TBPL1: variants seen among roughly 807,000 people sequenced by gnomAD.
The protein encoded by TBPL1 is TATA box-binding protein-like 1.
In TBPL1, 4 loss-of-function variants were observed where a neutral mutation model predicts 22.1. The observed-to-expected ratio is 0.18, with a 90% confidence interval of 0.09 to 0.41. The LOEUF (loss-of-function observed/expected upper bound fraction) is 0.41. TBPL1 is among the 10% of genes least tolerant of loss of function. TBPL1 has a pLI of 1.00. For synonymous variants in TBPL1, 64 were observed against 71.0 expected (o/e 0.90, Z 0.50); for missense variants, 115 against 222.3 (o/e 0.52, Z 3.07).
upstream of TBPL1, among the ~76,000 whole-genome samples, chr6:133,953,015 G>A (rs977590577): frequency 6.6e-6 from 1 of 152,134 alleles, no homozygotes; most frequent in African/African-American, 2.4e-5. Flanking sequence ...CCAGCGGGTG[G>A]GCAGGAGGGG....
At chr6:133,971,077 C>G (rs1776212261) in intron 1 of TBPL1, among the ~76,000 whole-genome samples, 1 of 152,114 alleles carries the variant, frequency 6.6e-6, no homozygotes, top group South Asian at 2.1e-4. Flanking sequence ...ATTGACCAAC[C>G]TCCGTTCATT....
chr6:133,979,555 A>T (rs1421420106), intron 1 of TBPL1, among the ~76,000 whole-genome samples: 1 of 152,216 alleles, frequency 6.6e-6, no homozygotes, highest in African/African-American at 2.4e-5. Flanking sequence ...TTTTAGTTTA[A>T]GGAATGAAAG....
chr6:133,967,926 T>C (rs767205651), intron 1 of TBPL1, among the ~76,000 whole-genome samples: 6 of 152,152 alleles, frequency 3.9e-5, no homozygotes, highest in African/African-American at 7.2e-5. Context: ...CAGACAAATA[T>C]ATGGATTTAG....
upstream of TBPL1, among the ~76,000 whole-genome samples, chr6:133,952,939 A>T (rs1775858101): frequency 6.6e-6 from 1 of 152,288 alleles, no homozygotes; most frequent in East Asian, 1.9e-4. This position sits in a 1 kb window ranked among gnomAD's most constrained non-coding sequence, Gnocchi z 4.5. Flanking sequence ...GCGGTTCTTA[A>T]ACAAAAAAGT....
In TBPL1 at chr6:133,953,255, G is replaced by T. The variant is rs953135151; in HGVS notation, c.-215G>T. ...CCCGGAACAACAAAGCAAGGAAGACGGAGTCCGAGCCTCGGGGGCTCCTAG... is the reference window on the plus strand; with the variant it reads ...CCCGGAACAACAAAGCAAGGAAGACTGAGTCCGAGCCTCGGGGGCTCCTAG... On this transcript the variant is annotated 5_prime_UTR_variant, in exon 1 of 7. Transcript: ENST00000237264. 2 of 152,980 alleles carry T rather than the reference G, an allele frequency of 1.3e-5. No individual in the cohort carries two copies. The highest frequency in any genetic ancestry group is 2.9e-5 in the Non-Finnish European group (2 of 68,326). The allele number at this position is 152,980 out of a possible 1,614,324, so 9.5% of individuals were successfully genotyped here. A position where few individuals can be genotyped will look rare whatever the true frequency, so the allele number is the denominator to read the frequency against.
chr6:133,953,796 G>A (rs891479198), intron 1 of TBPL1, among the ~76,000 whole-genome samples: 12 of 152,076 alleles, frequency 7.9e-5, no homozygotes, highest in Admixed American at 2.6e-4. Flanking sequence ...ATCTGTCTCG[G>A]AGCCATCACC....
At position 133,962,179 on chromosome 6, in the gene TBPL1, G is replaced by A. The variant is rs144081211; in HGVS notation, c.-45+8754G>A. Reference sequence around the variant, plus strand: ...AAGATTAGGTTATATAAGGAAGATCGGGGGTGGGAAGTCCACTGCATTCCA... The same window carrying A: ...AAGATTAGGTTATATAAGGAAGATCAGGGGTGGGAAGTCCACTGCATTCCA... On this transcript the variant is annotated intron_variant, in intron 1 of 6. Coordinates refer to ENST00000237264, the MANE Select transcript of TBPL1 (RefSeq NM_004865.4). Among the ~76,000 whole-genome samples the A allele has an allele frequency of 9.5e-3, 1,451 of 152,238 alleles. 40 individuals carry two copies. Among genetic ancestry groups the A allele is most frequent in the Admixed American group, 0.062 (945 of 15,288 alleles).
intron 1 of TBPL1, among the ~76,000 whole-genome samples, chr6:133,968,455 C>A (rs966873423): frequency 6.6e-6 from 1 of 152,010 alleles, no homozygotes; most frequent in African/African-American, 2.4e-5. Context: ...TTCCTTTATC[C>A]ACAATAGTAT....
At chr6:133,976,343 C>T (rs574325129) in intron 1 of TBPL1, among the ~76,000 whole-genome samples, 140 of 152,086 alleles carry the variant, frequency 9.2e-4, no homozygotes, top group African/African-American at 3.0e-3. Context: ...GTTTCAGATA[C>T]GATGTTGAGT....
intron 1 of TBPL1, among the ~76,000 whole-genome samples, chr6:133,977,857 C>T (rs1776341381): frequency 6.6e-6 from 1 of 152,194 alleles, no homozygotes; most frequent in South Asian, 2.1e-4. Context: ...TACTTGAGCT[C>T]TAGCTCTCAT....
intron 1 of TBPL1, among the ~76,000 whole-genome samples, chr6:133,973,969 A>G (rs1776268340): frequency 6.9e-6 from 1 of 144,628 alleles, no homozygotes; most frequent in African/African-American, 2.6e-5. Flanking sequence ...ATATATATAT[A>G]TTTGTTTTTT....
chr6:133,965,645 T>C (rs1776106036), intron 1 of TBPL1, among the ~76,000 whole-genome samples: 2 of 152,050 alleles, frequency 1.3e-5, no homozygotes, highest in Non-Finnish European at 2.9e-5. Context: ...AATTTAGTGC[T>C]TTTTTCAGTA....
chr6:133,988,304 T>C lies in TBPL1; in HGVS notation c.*1264T>C, dbSNP rs566866737. On this transcript the variant is annotated 3_prime_UTR_variant, in exon 7 of 7. Transcript: ENST00000237264. ...TCACCCAGGAGCCCTGATGTGGTAA[T>C]ACAGGATCAAGCTGTAGTTGTGCCC... 1 of 152,360 alleles carries C rather than the reference T, an allele frequency of 6.6e-6. No homozygotes were observed. Among genetic ancestry groups the C allele is most frequent in the African/African-American group, 2.4e-5 (1 of 41,590 alleles). The allele number at this position is 152,360 out of a possible 1,614,324, so 9.4% of individuals were successfully genotyped here.
chr6:133,979,850 T>G (rs1776378257), intron 1 of TBPL1, among the ~76,000 whole-genome samples: 1 of 152,168 alleles, frequency 6.6e-6, no homozygotes. Context: ...TTTCACTATG[T>G]TGGCCAGTCT....
intron 1 of TBPL1, among the ~76,000 whole-genome samples, chr6:133,963,185 C>G (rs902411880): frequency 4.6e-5 from 7 of 152,152 alleles, no homozygotes; most frequent in Non-Finnish European, 8.8e-5. Flanking sequence ...TCTTGATGTT[C>G]TCTGAAAAAC....
rs957546620 is a variant in TBPL1, at chr6:133,987,276, C to T, written c.*236C>T. On this transcript the variant is annotated 3_prime_UTR_variant, in exon 7 of 7. Transcript: ENST00000237264. The stretch of plus-strand genomic sequence containing the variant: ...TACAAAAGGACATTCTATTTATTTT[C>T]GCAGTAATTCTCATGTCCCCATAAG... The T allele has an allele frequency of 1.3e-5, 4 of 307,636 alleles. No homozygotes were observed. The highest frequency in any genetic ancestry group is 1.5e-4 in the South Asian group (2 of 13,394). 19.1% of individuals were successfully genotyped at this position (307,636 alleles called of 1,614,324 possible). A position where few individuals can be genotyped will look rare whatever the true frequency, so the allele number is the denominator to read the frequency against.
chr6:133,970,993 G>GT (rs1361680937), intron 1 of TBPL1, among the ~76,000 whole-genome samples: 2 of 152,178 alleles, frequency 1.3e-5, no homozygotes, highest in Non-Finnish European at 2.9e-5. Flanking sequence ...ATACTTTACT[G>GT]TTCACCATGG....
chr6:133,987,106 A>G lies in TBPL1; in HGVS notation c.*66A>G, dbSNP rs907966720. On this transcript the variant is annotated 3_prime_UTR_variant, in exon 7 of 7. Transcript: ENST00000237264. ...TTAAACCTGCTGCACATTGGACTCA[A>G]AAGGAAAACTGGACCAACAATAATT... The G allele has an allele frequency of 6.3e-6, 7 of 1,107,578 alleles. No homozygotes were observed. The highest frequency in any genetic ancestry group is 2.5e-5 in the East Asian group (1 of 40,340). 68.6% of individuals were successfully genotyped at this position (1,107,578 alleles called of 1,614,324 possible).
intron 1 of TBPL1, among the ~76,000 whole-genome samples, chr6:133,969,891 A>G (rs375253416): frequency 6.6e-6 from 1 of 152,242 alleles, no homozygotes; most frequent in African/African-American, 2.4e-5. Flanking sequence ...AATTTACTGT[A>G]TAATTCCTAC....
Sources: allele counts gnomAD v4.1 joint callset (sites outside exome capture counted in the v4.1 genomes callset), GRCh38; gene constraint gnomAD v4.1.1; non-coding constraint Gnocchi (gnomAD v3.1); transcripts MANE v1.5; gene names NCBI Gene and HGNC (gene_info 2026-07-23, HGNC 2026-07-21).